The following TMEM161A variants were observed in gnomAD, a reference collection of about 807,000 sequenced individuals.
TMEM161A encodes the protein adaptive response to oxidative stress protein 29.
Under a neutral mutation model 57.1 loss-of-function variants are expected in TMEM161A, and 46 were observed. The observed-to-expected ratio is 0.81, with a 90% confidence interval of 0.64 to 1.03. TMEM161A has a LOEUF of 1.03. TMEM161A is among the 50% of genes least tolerant of loss of function. TMEM161A has a pLI of 0.00. For synonymous variants in TMEM161A, 288 were observed against 279.0 expected, an observed-to-expected ratio of 1.03 and a Z score of -0.32; for missense variants, 601 against 621.5, an observed-to-expected ratio of 0.97 and a Z score of 0.35.
chr19:19,133,223 A>AT lies in TMEM161A; in HGVS notation c.108-14_108-13insA, dbSNP rs1178651159. 6.2e-7 allele frequency: 1 copy of AT among 1,613,810 alleles called. No homozygotes were observed. Among genetic ancestry groups the AT allele is most frequent in the Non-Finnish European group, 8.5e-7 (1 of 1,179,808 alleles). On this transcript the variant is annotated splice_polypyrimidine_tract_variant and intron_variant, in intron 2 of 11. Transcript: ENST00000162044. ...GTATCGGAACAAACTGAGAGCAAGG[A>AT]CGGGCAGTCAGGGAAGCTCAGGCGT...
intron 6 of TMEM161A, among the ~76,000 whole-genome samples, chr19:19,124,377 CA>C (rs372794279): frequency 1.3e-5 from 2 of 152,064 alleles, no homozygotes; most frequent in South Asian, 2.1e-4. Flanking sequence ...GGCAAAACAA[CA>C]AAAACAGAAT....
At position 19,121,438 on chromosome 19, in the gene TMEM161A, G is replaced by A. The variant is rs2059909944; in HGVS notation, c.801-17C>T. The A allele has an allele frequency of 6.2e-7, 1 of 1,613,796 alleles. No homozygotes were observed. The highest frequency in any genetic ancestry group is 1.3e-5 in the African/African-American group (1 of 75,060). On this transcript the variant is annotated splice_polypyrimidine_tract_variant and intron_variant, in intron 8 of 11. Coordinates refer to ENST00000162044, the MANE Select transcript of TMEM161A (RefSeq NM_017814.3). This position sits in a 1 kb window ranked among gnomAD's most constrained non-coding sequence, Gnocchi z 5.8. ...AGGAGGAACCTGGGGGGTGAGGGCA[G>A]GAGGGAGTGAGGCCTGGGTACCCCC...
At chr19:19,131,928 T>A (rs2059961327) in intron 5 of TMEM161A, among the ~76,000 whole-genome samples, 2 of 152,226 alleles carry the variant, frequency 1.3e-5, no homozygotes, top group Non-Finnish European at 2.9e-5. Flanking sequence ...CCCAAAGTGC[T>A]GGGATTACAA....
At chr19:19,127,694 C>T (rs1006847427) in intron 6 of TMEM161A, among the ~76,000 whole-genome samples, 58 of 150,834 alleles carry the variant, frequency 3.8e-4, no homozygotes, top group African/African-American at 1.4e-3. Flanking sequence ...CGTTGGGAGG[C>T]GGAGGTGAGA....
Position 19,119,783 on chromosome 19 carries a change from C to T in TMEM161A, c.*147G>A. On this transcript the variant is annotated 3_prime_UTR_variant, in exon 12 of 12. Transcript: ENST00000162044. The stretch of plus-strand genomic sequence containing the variant: ...CAGAAACTCGGCGTCCAAGGGGGGC[C>T]GCGGGTCAGGCACTGTGGTGAAGGG... The T allele has an allele frequency of 9.6e-7, 1 of 1,036,336 alleles. No individual in the cohort carries two copies. The highest frequency in any genetic ancestry group is 1.4e-6 in the Non-Finnish European group (1 of 730,756). 64.2% of individuals were successfully genotyped at this position (1,036,336 alleles called of 1,614,324 possible).
chr19:19,120,047 C>T lies in TMEM161A; in HGVS notation c.1323G>A (p.Leu441=). ...CGCCACGGAGGAAGAGGGGAGTAAG[C>T]AGGCCACCCAGAGCCCCGGCAATCC... is the stretch of plus-strand genomic sequence containing the variant. ...AARIAGALGG[L]LTPLFLRGVL... Residue 441 remains leucine (L), a synonymous_variant, in exon 12 of 12, where the codon CTG becomes CTA. Coordinates refer to ENST00000162044, the MANE Select transcript of TMEM161A (RefSeq NM_017814.3). 2 of 1,600,840 alleles carry T rather than the reference C, an allele frequency of 1.2e-6. No homozygotes were observed. Among genetic ancestry groups the T allele is most frequent in the South Asian group, 2.3e-5 (2 of 88,824 alleles).
intron 1 of TMEM161A, 78 bp from the exon 2 acceptor site, chr19:19,134,965 TA>T: frequency 9.6e-7 from 1 of 1,039,496 alleles, no homozygotes; most frequent in Non-Finnish European, 1.4e-6. Flanking sequence ...CCAGGCTATT[TA>T]TAGAGAAGTC....
chr19:19,136,214 G>C (rs2059983734), intron 1 of TMEM161A, among the ~76,000 whole-genome samples: 1 of 152,008 alleles, frequency 6.6e-6, no homozygotes, highest in South Asian at 2.1e-4. Context: ...CTGTCTACTA[G>C]TGTTCTGGAA....
chr19:19,134,003 C>T (rs966955138), intron 2 of TMEM161A, among the ~76,000 whole-genome samples: 5 of 152,026 alleles, frequency 3.3e-5, no homozygotes, highest in Non-Finnish European at 7.4e-5. Context: ...GATCCTCCCA[C>T]CTTGGCTTCC....
At position 19,138,361 on chromosome 19, in the gene TMEM161A, C is replaced by T. The variant is rs1212468235; in HGVS notation, c.3+65G>A. On this transcript the variant is annotated intron_variant, in intron 1 of 11. Coordinates refer to ENST00000162044, the MANE Select transcript of TMEM161A (RefSeq NM_017814.3). ...ACCCCAATCCATTCCCTCAGTGTCT[C>T]CCTGGACCCCTTCGGCTGGACCTCG... 6 of 1,572,270 alleles carry T rather than the reference C, an allele frequency of 3.8e-6. No homozygotes were observed. The Admixed American group carries it at 1.1e-4, about 29-fold the overall frequency.
Position 19,126,841 on chromosome 19 carries a change from G to A in TMEM161A, c.595+3315C>T, listed in dbSNP as rs190142740. 1.6e-4 allele frequency among the ~76,000 whole-genome samples: 25 copies of A among 152,176 alleles called. No individual in the cohort carries two copies. In the East Asian group the frequency reaches 4.2e-3, roughly 26 times the overall value. The stretch of plus-strand genomic sequence containing the variant: ...GCCAAGATCATGCCACTGTACTCTA[G>A]CCTGGGTGACAGAGGGAGACTGTCT... On this transcript the variant is annotated intron_variant, in intron 6 of 11. Coordinates refer to ENST00000162044, the MANE Select transcript of TMEM161A (RefSeq NM_017814.3).
chr19:19,119,688 G>A lies in TMEM161A; in HGVS notation c.*242C>T, dbSNP rs1030443542. 7.1e-6 allele frequency: 4 copies of A among 566,248 alleles called. No homozygotes were observed. Among genetic ancestry groups the A allele is most frequent in the African/African-American group, 5.6e-5 (3 of 53,402 alleles). The allele number at this position is 566,248 out of a possible 1,614,324, so 35.1% of individuals were successfully genotyped here. On this transcript the variant is annotated 3_prime_UTR_variant, in exon 12 of 12. Transcript: ENST00000162044. ...GCATCACCCTTGCCACTCAAACCTG[G>A]CACATACGCTTCGGAGACAATGGCC...
At chr19:19,123,036 G>T (rs1396422592) in intron 6 of TMEM161A, among the ~76,000 whole-genome samples, 1 of 152,174 alleles carries the variant, frequency 6.6e-6, no homozygotes, top group Non-Finnish European at 1.5e-5. Flanking sequence ...AAGGAAAACT[G>T]TAAGTATTGA....
rs777665772 is a variant in TMEM161A at position 19,120,022 on chromosome 19, C to T, written c.1348G>A (p.Val450Ile). 11 of 1,598,742 alleles carry T rather than the reference C, an allele frequency of 6.9e-6. No homozygotes were observed. The highest frequency in any genetic ancestry group is 3.5e-5 in the Admixed American group (2 of 57,758). Residue 450 changes from valine to isoleucine, a missense_variant, in exon 12 of 12, where the codon GTC becomes ATC. Transcript: ENST00000162044. ...GLLTPLFLRG[V>I]LAYLIWWTAA... ...GTCCACCAGATGAGGTAGGCCAGGA[C>T]GCCACGGAGGAAGAGGGGAGTAAGC... is the stretch of plus-strand genomic sequence containing the variant.
In TMEM161A at chr19:19,134,820, T is replaced by A; in HGVS notation, c.71A>T (p.His24Leu). 1 of 1,594,546 alleles carries A rather than the reference T, an allele frequency of 6.3e-7. No individual in the cohort carries two copies. Among genetic ancestry groups the A allele is most frequent in the Non-Finnish European group, 8.5e-7 (1 of 1,171,684 alleles). ...TATLMHRLAP[H>L]CSFARWLLCN... ...GAGCAGCCAGCGCGCGAAGGAGCAG[T>A]GTGGCGCCAGCCTGTGCATGAGGGT... is the stretch of plus-strand genomic sequence containing the variant. Residue 24 changes from histidine (H) to leucine (L), a missense_variant, in exon 2 of 12, where the codon CAC becomes CTC. By Grantham distance (99) the His-to-Leu change is moderately conservative. Coordinates refer to ENST00000162044, the MANE Select transcript of TMEM161A (RefSeq NM_017814.3).
At chr19:19,131,253 A>G (rs1040040704) in intron 5 of TMEM161A, among the ~76,000 whole-genome samples, 1 of 151,962 alleles carries the variant, frequency 6.6e-6, no homozygotes, top group African/African-American at 2.4e-5. Context: ...ACAAAAAAGC[A>G]TGGGAATCTG....
intron 2 of TMEM161A, chr19:19,133,479 A>G: frequency 2.5e-6 from 1 of 405,132 alleles, no homozygotes; most frequent in Non-Finnish European, 4.4e-6. Context: ...TTTCTTTTTC[A>G]TTTTCTTTTT....
intron 11 of TMEM161A, 87 bp downstream of exon 11, chr19:19,120,678 C>A (rs2059904635): frequency 3.1e-6 from 4 of 1,277,670 alleles, no homozygotes; most frequent in East Asian, 2.3e-5. Context: ...CTCTCCCCCC[C>A]CACCGCGGTC....
intron 6 of TMEM161A, among the ~76,000 whole-genome samples, chr19:19,127,472 A>G (rs1438595683): frequency 6.6e-6 from 1 of 151,656 alleles, no homozygotes; most frequent in African/African-American, 2.4e-5. Context: ...GGTACCCGCC[A>G]CCACACCCGG....
Sources: allele counts gnomAD v4.1 joint callset (sites outside exome capture counted in the v4.1 genomes callset), GRCh38; gene constraint gnomAD v4.1.1; non-coding constraint Gnocchi (gnomAD v3.1); transcripts MANE v1.5; gene names NCBI Gene and HGNC (gene_info 2026-07-23, HGNC 2026-07-21).